MYH7B: variants seen among roughly 807,000 people sequenced by gnomAD.
MYH7B encodes myosin-7B.
Under a neutral mutation model 234.5 loss-of-function variants are expected in MYH7B, and 205 were observed. The observed-to-expected ratio is 0.87, with a 90% CI of 0.78 to 0.98. The LOEUF (loss-of-function observed/expected upper bound fraction) is 0.98. Among genes scored for constraint, MYH7B ranks in the 50% least tolerant of loss-of-function variants. The pLI is 0.00. For missense variants in MYH7B, 2,652 were observed against 2,633.4 expected (o/e 1.01, Z -0.15); for synonymous variants, 1,193 against 1,105.0 (o/e 1.08, Z -1.58).
chr20:34,994,101 C>T lies in MYH7B; in HGVS notation c.2445-45C>T, dbSNP rs190860102. Reference sequence around the variant, plus strand: ...CTGTGCTGAGTGTCACCATTTGTGACGGGCAGCACTGAGCCACCTTCACAG... The same window carrying T: ...CTGTGCTGAGTGTCACCATTTGTGATGGGCAGCACTGAGCCACCTTCACAG... On this transcript the variant is annotated intron_variant, in intron 26 of 44. Coordinates refer to ENST00000262873, the Ensembl canonical transcript of MYH7B. The T allele has an allele frequency of 1.5e-4, 243 of 1,594,626 alleles. No individual in the cohort carries two copies. In the Admixed American group the frequency reaches 3.8e-3, roughly 25 times the overall value.
Position 34,986,132 on chromosome 20 carries a change from T to TTAAC in MYH7B, c.839_840insAACT (p.Pro281ThrfsTer4). 5 of 1,595,274 alleles carry TTAAC rather than the reference T, an allele frequency of 3.1e-6. No individual in the cohort carries two copies. The highest frequency in any genetic ancestry group is 4.3e-6 in the Non-Finnish European group (5 of 1,169,944). The stretch of plus-strand genomic sequence containing the variant: ...GGAGAAGTCGCGGGTGATCTTCCAG[T>TTAAC]TGCCTGGTGAGCGCAGCTACCATGT... On this transcript the variant is annotated frameshift_variant, in exon 14 of 45. Coordinates refer to ENST00000262873, the Ensembl canonical transcript of MYH7B. LOFTEE classifies it high-confidence loss of function.
intron 18 of MYH7B, 53 bp from the exon 19 acceptor site, chr20:34,988,039 T>C (rs769580312): frequency 1.7e-5 from 27 of 1,585,420 alleles, no homozygotes; most frequent in Non-Finnish European, 2.2e-5. Flanking sequence ...TCCCCGGGCC[T>C]CCCTTTCCCC....
At chr20:34,960,550 T>A (rs1346647312) in intron 2 of MYH7B, among the ~76,000 whole-genome samples, 1 of 152,238 alleles carries the variant, frequency 6.6e-6, no homozygotes, top group Non-Finnish European at 1.5e-5. Context: ...ACTGTGCCTT[T>A]TGATTGGAAC....
chr20:34,989,822 A>C, exon 20 of MYH7B: 1 of 1,614,166 alleles, frequency 6.2e-7, no homozygotes, highest in Non-Finnish European at 8.5e-7. Flanking sequence ...AAGCTCTACG[A>C]CAACCACGCG....
chr20:34,984,634 C>G lies in MYH7B; in HGVS notation c.625-58C>G, dbSNP rs568616920. The G allele has an allele frequency of 4.2e-5, 58 of 1,388,926 alleles. No homozygotes were observed. The East Asian group carries it at 1.1e-3, about 27-fold the overall frequency. The allele number at this position is 1,388,926 out of a possible 1,614,324, so 86.0% of individuals were successfully genotyped here. On this transcript the variant is annotated intron_variant, in intron 10 of 44. Coordinates refer to ENST00000262873, the Ensembl canonical transcript of MYH7B. ...TGCCTCCCGCTGATACCCTGCCCCACCCCGCCCTTCCCCACCGGAGGCCTG... is the reference window on the plus strand; with the variant it reads ...TGCCTCCCGCTGATACCCTGCCCCAGCCCGCCCTTCCCCACCGGAGGCCTG...
exon 12 of MYH7B, chr20:34,984,860 C>G (rs1260752516): frequency 1.2e-6 from 2 of 1,613,866 alleles, no homozygotes; most frequent in Non-Finnish European, 1.7e-6. Context: ...CCAGGGCACC[C>G]TTGAGGATCA....
chr20:34,994,863 G>A (rs1055094255), intron 27 of MYH7B, among the ~76,000 whole-genome samples: 13 of 152,260 alleles, frequency 8.5e-5, no homozygotes, highest in African/African-American at 2.4e-4. Flanking sequence ...CAGGAGGAAC[G>A]TTGGTGGGAA....
intron 2 of MYH7B, among the ~76,000 whole-genome samples, chr20:34,967,720 C>G (rs952271102): frequency 6.6e-6 from 1 of 152,210 alleles, no homozygotes; most frequent in Non-Finnish European, 1.5e-5. Flanking sequence ...ACTCCTGAAC[C>G]TTCAGAACAA....
At chr20:34,987,978 G>A (rs2082062383) in intron 18 of MYH7B, 64 bp downstream of exon 18, 3 of 1,555,118 alleles carry the variant, frequency 1.9e-6, no homozygotes, top group East Asian at 2.3e-5. Context: ...GCCTGTGGGG[G>A]GGCAGAAGCC....
At chr20:34,967,252 G>A (rs1257633271) in intron 2 of MYH7B, among the ~76,000 whole-genome samples, 1 of 151,834 alleles carries the variant, frequency 6.6e-6, no homozygotes, top group Non-Finnish European at 1.5e-5. Context: ...GAAATTTAAG[G>A]CCCAAAGCAT....
intron 5 of MYH7B, 144 bp from the exon 6 acceptor site, chr20:34,979,246 G>C (rs1051360690): frequency 5.0e-6 from 3 of 596,532 alleles, no homozygotes; most frequent in African/African-American, 3.7e-5. Context: ...GGGTTTGGAG[G>C]GTTCTTCACT....
intron 2 of MYH7B, among the ~76,000 whole-genome samples, chr20:34,969,004 C>T (rs1450767621): frequency 6.6e-6 from 1 of 152,168 alleles, no homozygotes; most frequent in Admixed American, 6.5e-5. Context: ...GAGGTTGAGG[C>T]CAGGGAAGAG....
exon 19 of MYH7B, chr20:34,988,157 G>A: frequency 1.2e-6 from 2 of 1,614,184 alleles, no homozygotes; most frequent in South Asian, 1.1e-5. Context: ...TCTTCAACCA[G>A]CACATGTTTG....
intron 2 of MYH7B, among the ~76,000 whole-genome samples, chr20:34,973,872 T>C (rs2081817245): frequency 6.6e-6 from 1 of 151,498 alleles, no homozygotes; most frequent in Non-Finnish European, 1.5e-5. Context: ...ATCCTCCTGC[T>C]TCAGCCTCCC....
At chr20:34,979,176 G>C (rs2081901858) in intron 5 of MYH7B, among the ~76,000 whole-genome samples, 1 of 152,180 alleles carries the variant, frequency 6.6e-6, no homozygotes, top group Non-Finnish European at 1.5e-5. Flanking sequence ...CATTAACCCA[G>C]ACTCATCCTC....
rs533511017 is a variant in MYH7B at position 34,990,857 on chromosome 20, G to A, written c.2065+32G>A. The A allele has an allele frequency of 1.2e-4, 197 of 1,610,906 alleles. No individual in the cohort carries two copies. In the Admixed American group the frequency reaches 2.6e-3, roughly 21 times the overall value. ...ACCCAGGGCTGGCCTGGCTGGGGCC[G>A]GGAGGCATCATGGGAAGGTGACAGG... On this transcript the variant is annotated intron_variant, in intron 23 of 44. Coordinates refer to ENST00000262873, the Ensembl canonical transcript of MYH7B.
At chr20:34,998,875 G>A in exon 35 of MYH7B, 1 of 1,613,240 alleles carries the variant, frequency 6.2e-7, no homozygotes, top group African/African-American at 1.3e-5. Context: ...CAAGTACGAA[G>A]CAGATGCCAT....
intron 22 of MYH7B, 51 bp downstream of exon 22, chr20:34,990,361 C>T (rs528423480): frequency 2.0e-5 from 32 of 1,598,596 alleles, no homozygotes; most frequent in African/African-American, 9.4e-5. Context: ...CCTCCAGCCC[C>T]GTCCTTCACC....
intron 8 of MYH7B, 97 bp downstream of exon 8, chr20:34,980,831 CT>C: frequency 6.5e-7 from 1 of 1,541,176 alleles, no homozygotes; most frequent in Non-Finnish European, 8.8e-7. Flanking sequence ...CACTGCCCCC[CT>C]TTTGACGCTG....
Sources: gnomAD v4.1 joint callset for allele counts (sites outside exome capture counted in the v4.1 genomes callset) on GRCh38, gnomAD v4.1.1 for gene constraint, MANE v1.5 for transcripts, NCBI Gene and HGNC (gene_info 2026-07-23, HGNC 2026-07-21) for gene names.